PEMT: variants seen among roughly 807,000 people sequenced by gnomAD.
The protein encoded by PEMT is phospholipid methyltransferase.
PEMT carries 23 observed loss-of-function variants against 27.4 expected under a neutral mutation model. That is an observed-to-expected ratio of 0.84 (90% CI 0.60 to 1.19). The LOEUF (loss-of-function observed/expected upper bound fraction) is 1.19. Ranked by LOEUF, PEMT falls within the 50% of genes most tolerant of loss-of-function variation. The pLI is 0.00. For synonymous variants in PEMT, 137 were observed against 139.1 expected (o/e 0.98, Z 0.11); for missense variants, 307 against 310.1 (o/e 0.99, Z 0.07).
At chr17:17,567,488 G>A (rs989116073) in intron 2 of PEMT, among the ~76,000 whole-genome samples, 41 of 152,270 alleles carry the variant, frequency 2.7e-4, no homozygotes, top group African/African-American at 8.7e-4. Flanking sequence ...AAAAGCCCAC[G>A]TCCACTGCCT....
At chr17:17,511,607 C>T (rs1236498733) in intron 4 of PEMT, among the ~76,000 whole-genome samples, 1 of 152,238 alleles carries the variant, frequency 6.6e-6, no homozygotes, top group African/African-American at 2.4e-5. Flanking sequence ...CCACTGAAGC[C>T]GAGTGACTTC....
chr17:17,506,028 G>C (rs1270542034), intron 6 of PEMT, among the ~76,000 whole-genome samples, 180 bp from the exon 7 acceptor site: 2 of 152,168 alleles, frequency 1.3e-5, no homozygotes, highest in African/African-American at 4.8e-5. Context: ...GGAGAGGGGA[G>C]GGGAGAGGGG....
At chr17:17,585,804 C>T (rs1243951873) in intron 1 of PEMT, among the ~76,000 whole-genome samples, 3 of 151,900 alleles carry the variant, frequency 2.0e-5, no homozygotes, top group East Asian at 1.9e-4. Flanking sequence ...TTTGTCGGGC[C>T]GGGCGCGGTG....
rs1906601193 is a variant in PEMT, at chr17:17,513,863, T to C, written c.321-1209A>G. ...TGTGTGACCAAATGTGCTCTTCCCA[T>C]GCTCACAATAATCACAACACAGAAG... On this transcript the variant is annotated intron_variant, in intron 3 of 6. Coordinates refer to ENST00000255389, the MANE Select transcript of PEMT (RefSeq NM_148172.3). This position sits in a 1 kb window ranked among gnomAD's most constrained non-coding sequence, Gnocchi z 4.1. 6.6e-6 allele frequency among the ~76,000 whole-genome samples: 1 copy of C among 152,158 alleles called. No homozygotes were observed.
chr17:17,509,982 C>G (rs1906238564), intron 4 of PEMT, among the ~76,000 whole-genome samples: 1 of 152,162 alleles, frequency 6.6e-6, no homozygotes, highest in African/African-American at 2.4e-5. Context: ...CACTCTTCCT[C>G]GCTCTGGTGA....
chr17:17,511,765 C>T (rs1436822315), intron 4 of PEMT, among the ~76,000 whole-genome samples: 2 of 152,168 alleles, frequency 1.3e-5, no homozygotes. Flanking sequence ...TTCTCTCCTT[C>T]CAGGTTCCGA....
intron 1 of PEMT, among the ~76,000 whole-genome samples, chr17:17,579,113 G>A (rs1911820832): frequency 6.6e-6 from 1 of 152,208 alleles, no homozygotes. Flanking sequence ...TGGTGCTTCT[G>A]CCCAGGGTCA....
chr17:17,522,127 G>C (rs1410899480), intron 3 of PEMT, among the ~76,000 whole-genome samples, 153 bp downstream of exon 3: 1 of 152,188 alleles, frequency 6.6e-6, no homozygotes, highest in African/African-American at 2.4e-5. Flanking sequence ...GGCTGGGAGG[G>C]GTAGGGTGGC....
chr17:17,590,824 T>C (rs1017594076), intron 1 of PEMT, among the ~76,000 whole-genome samples: 21 of 152,246 alleles, frequency 1.4e-4, no homozygotes, highest in African/African-American at 2.6e-4. Flanking sequence ...TTGGAATCCA[T>C]TGGAATTGGG....
intron 2 of PEMT, among the ~76,000 whole-genome samples, chr17:17,527,374 C>T (rs535959267): frequency 6.6e-5 from 10 of 152,312 alleles, no homozygotes; most frequent in East Asian, 5.8e-4. Context: ...AAGTGAGACA[C>T]GGCTCCTTCG....
Position 17,555,205 on chromosome 17 carries a change from G to A in PEMT, c.204+21715C>T, listed in dbSNP as rs1266170514. On this transcript the variant is annotated intron_variant, in intron 2 of 6. Transcript: ENST00000255389. The stretch of plus-strand genomic sequence containing the variant: ...CCATGTCACCCAGCTGGGAAGCCAT[G>A]GAGCTCTGCAGAGCACTGTACCCAC... Among the ~76,000 whole-genome samples the A allele has an allele frequency of 6.6e-5, 10 of 152,134 alleles. No individual in the cohort carries two copies. The East Asian group carries it at 1.9e-3, about 29-fold the overall frequency.
rs570872696 is a variant in PEMT, at chr17:17,580,116, T to G, written c.97-3089A>C. On this transcript the variant is annotated intron_variant, in intron 1 of 6. Transcript: ENST00000255389. Reference sequence around the variant, plus strand: ...AAGGGAGGGGAGGGAAGGCCTGTGATGCAGCCCCAAAGCTTCTAGAACCTG... The same window carrying G: ...AAGGGAGGGGAGGGAAGGCCTGTGAGGCAGCCCCAAAGCTTCTAGAACCTG... Among the ~76,000 whole-genome samples the G allele has an allele frequency of 2.6e-5, 4 of 152,258 alleles. No individual in the cohort carries two copies. The East Asian group carries it at 7.7e-4, about 29-fold the overall frequency.
intron 4 of PEMT, among the ~76,000 whole-genome samples, chr17:17,511,041 C>A (rs369798905): frequency 1.3e-4 from 20 of 152,312 alleles, no homozygotes; most frequent in Non-Finnish European, 2.4e-4. Context: ...TGGGACCCCC[C>A]CTATGGCTCC....
chr17:17,509,116 G>A (rs948740691), intron 5 of PEMT, among the ~76,000 whole-genome samples: 5 of 152,262 alleles, frequency 3.3e-5, no homozygotes, highest in Admixed American at 2.0e-4. Context: ...CGCCAAAGAC[G>A]CGCATCCATT....
intron 2 of PEMT, among the ~76,000 whole-genome samples, chr17:17,555,424 C>T (rs1476464125): frequency 6.6e-6 from 1 of 152,220 alleles, no homozygotes; most frequent in Non-Finnish European, 1.5e-5. Flanking sequence ...GTGTGCTGCC[C>T]TGGACAAGTG....
chr17:17,506,920 G>T, intron 5 of PEMT: 1 of 528,592 alleles, frequency 1.9e-6, no homozygotes, highest in South Asian at 2.5e-5. Flanking sequence ...TGGGACAGCA[G>T]CCCCACGCCC....
At chr17:17,539,119 T>C (rs1284169587) in intron 2 of PEMT, among the ~76,000 whole-genome samples, 4 of 152,238 alleles carry the variant, frequency 2.6e-5, no homozygotes, top group Non-Finnish European at 5.9e-5. Context: ...GTACCCTTTT[T>C]AATGCACAGG....
intron 1 of PEMT, 56 bp downstream of exon 1, chr17:17,591,475 C>T (rs775115075): frequency 9.3e-4 from 1,341 of 1,435,584 alleles, no homozygotes; most frequent in Non-Finnish European, 1.2e-3. Flanking sequence ...CTTCACGCCC[C>T]TCGGGCCTTG....
Position 17,522,404 on chromosome 17 carries a change from T to C in PEMT, c.205-9A>G, listed in dbSNP as rs768037467. 1.9e-6 allele frequency: 3 copies of C among 1,588,784 alleles called. No homozygotes were observed. Among genetic ancestry groups the C allele is most frequent in the South Asian group, 2.2e-5 (2 of 90,402 alleles). ...TGTTCCCATCGTGCAACCTAAACCG[T>C]GAGCAGAGAACAAGAACGAGATATT... On this transcript the variant is annotated splice_polypyrimidine_tract_variant and intron_variant, in intron 2 of 6. Transcript: ENST00000255389.
Sources: allele counts gnomAD v4.1 joint callset (sites outside exome capture counted in the v4.1 genomes callset), GRCh38; gene constraint gnomAD v4.1.1; non-coding constraint Gnocchi (gnomAD v3.1); transcripts MANE v1.5; gene names NCBI Gene and HGNC (gene_info 2026-07-23, HGNC 2026-07-21).